The following GPHN variants were observed in gnomAD, a reference collection of about 807,000 sequenced individuals.
GPHN encodes gephyrin.
In GPHN, 17 loss-of-function variants were observed where a neutral mutation model predicts 95.5. The ratio of observed to expected loss-of-function variants is 0.18; its 90% CI spans 0.12 to 0.27. GPHN has a LOEUF of 0.27. Ranked by LOEUF, GPHN falls within the 10% of genes least tolerant of loss-of-function variation. The pLI is 1.00. For missense variants in GPHN, 660 were observed against 978.1 expected (o/e 0.67, Z 4.34); for synonymous variants, 320 against 322.5 (o/e 0.99, Z 0.08).
At chr14:66,851,154 T>C (rs909252702) in intron 4 of GPHN, among the ~76,000 whole-genome samples, 7 of 150,636 alleles carry the variant, frequency 4.6e-5, no homozygotes, top group African/African-American at 1.5e-4. Flanking sequence ...TTATTTAATT[T>C]ACAAAAAAAA....
At chr14:67,435,361 G>T in the GPHN span, among the ~76,000 whole-genome samples, 2 of 152,150 alleles carry the variant, frequency 1.3e-5, no homozygotes, top group Admixed American at 6.5e-5. Context: ...CCATTCATGA[G>T]GGCAGAGCTC....
the GPHN span, among the ~76,000 whole-genome samples, chr14:67,243,557 A>G: frequency 6.9e-6 from 1 of 145,224 alleles, no homozygotes; most frequent in Non-Finnish European, 1.5e-5. Flanking sequence ...CAGTGGCGCA[A>G]TCTCGGCTCA....
the GPHN span, among the ~76,000 whole-genome samples, chr14:67,274,233 T>C: frequency 6.6e-6 from 1 of 152,216 alleles, no homozygotes; most frequent in African/African-American, 2.4e-5. Flanking sequence ...CTAGGTTTTC[T>C]TCTAGGGTTT....
rs1422605976 is a variant in GPHN, at chr14:66,700,718, A to G, written c.143+19533A>G. Among the ~76,000 whole-genome samples the G allele has an allele frequency of 2.0e-5, 3 of 152,022 alleles. No individual in the cohort carries two copies. The East Asian group carries it at 5.8e-4, about 29-fold the overall frequency. ...GGCGGGTGGATCATGAGGTCAAGAG[A>G]TCGAGACCATCCTGGCCAACATGGT... On this transcript the variant is annotated intron_variant, in intron 2 of 22. Transcript: ENST00000478722.
intron 1 of GPHN, among the ~76,000 whole-genome samples, chr14:66,551,791 G>A (rs2059820792): frequency 6.6e-6 from 1 of 152,170 alleles, no homozygotes. Flanking sequence ...AAAGAAGGAG[G>A]AGGTGCTACA....
chr14:67,199,379 C>T, the GPHN span: 2 of 1,613,900 alleles, frequency 1.2e-6, no homozygotes, highest in Non-Finnish European at 1.7e-6. Context: ...CAATGGGAAC[C>T]TGGACCCTGA....
the GPHN span, among the ~76,000 whole-genome samples, chr14:67,583,500 C>T: frequency 6.6e-6 from 1 of 152,186 alleles, no homozygotes; most frequent in Admixed American, 6.5e-5. Flanking sequence ...TTGGAAAAGG[C>T]ACTTCACCTC....
chr14:66,802,764 G>C (rs1159044143), intron 3 of GPHN, among the ~76,000 whole-genome samples: 1 of 152,146 alleles, frequency 6.6e-6, no homozygotes, highest in East Asian at 1.9e-4. Context: ...CTAGGGCCTA[G>C]AACGAGGACC....
At chr14:66,846,864 C>T (rs1596127186) in intron 4 of GPHN, among the ~76,000 whole-genome samples, 1 of 152,016 alleles carries the variant, frequency 6.6e-6, no homozygotes. Flanking sequence ...GAGATTTTTG[C>T]CCCCGAAGTA....
the GPHN span, among the ~76,000 whole-genome samples, chr14:67,373,248 G>A: frequency 6.6e-6 from 1 of 152,176 alleles, no homozygotes; most frequent in Non-Finnish European, 1.5e-5. Context: ...CTTGATTTTG[G>A]TGGTGGTTAA....
intron 8 of GPHN, among the ~76,000 whole-genome samples, chr14:66,938,469 T>C (rs2067239452): frequency 6.6e-6 from 1 of 152,176 alleles, no homozygotes; most frequent in South Asian, 2.1e-4. Flanking sequence ...TCTGTGTTGA[T>C]TCAGTCCTGT....
chr14:66,924,285 A>C lies in GPHN; in HGVS notation c.821A>C (p.Asp274Ala). The change falls in exon 8 of 23, where the codon GAT (aspartate) becomes GCT (alanine). Residue 274 changes from aspartate to alanine, a missense_variant. Physicochemically the swap from Asp to Ala is moderately radical, Grantham distance 126 (BLOSUM62 -2). Around this residue, in one of 6 missense-constraint regions of GPHN, gnomAD observed 190 missense variants for 224.7 expected, o/e 0.85. Transcript: ENST00000478722. Reference protein sequence around the residue: ...GLINYSHHSTDERIPDSIISR... With the variant: ...GLINYSHHSTAERIPDSIISR... ...ATCAATTATTCCCATCATTCAACAG[A>C]TGAACGGGTAAGACAAGAGGCTTTT... The C allele has an allele frequency of 6.3e-7, 1 of 1,582,854 alleles. No individual in the cohort carries two copies. Among genetic ancestry groups the C allele is most frequent in the Non-Finnish European group, 8.7e-7 (1 of 1,151,488 alleles).
At chr14:67,484,959 T>C in the GPHN span, among the ~76,000 whole-genome samples, 2 of 152,214 alleles carry the variant, frequency 1.3e-5, no homozygotes, top group Non-Finnish European at 2.9e-5. Flanking sequence ...GGCTGTGTAA[T>C]ATTCCAGCAA....
the GPHN span, among the ~76,000 whole-genome samples, chr14:67,424,644 C>T: frequency 3.1e-4 from 47 of 151,950 alleles, no homozygotes; most frequent in African/African-American, 1.1e-3. Context: ...CCCTGCCCAC[C>T]CCTAGTCTTC....
intron 8 of GPHN, among the ~76,000 whole-genome samples, chr14:66,947,400 T>A (rs943267660): frequency 2.6e-5 from 4 of 152,232 alleles, no homozygotes; most frequent in African/African-American, 9.6e-5. Flanking sequence ...AATTATATAC[T>A]TATTCATGTG....
At chr14:67,645,610 G>A in the GPHN span, 32 of 1,599,816 alleles carry the variant, frequency 2.0e-5, no homozygotes, top group African/African-American at 2.7e-5. Context: ...TTGCCAAGCA[G>A]AGGGCCTTCA....
chr14:67,378,630 T>G, the GPHN span, among the ~76,000 whole-genome samples: 1 of 152,232 alleles, frequency 6.6e-6, no homozygotes, highest in African/African-American at 2.4e-5. Flanking sequence ...TTGTCTCAAC[T>G]GTCATCATCT....
the GPHN span, among the ~76,000 whole-genome samples, chr14:67,410,976 T>A: frequency 2.6e-5 from 4 of 151,620 alleles, no homozygotes; most frequent in Non-Finnish European, 5.9e-5. Context: ...CGAAACCCTG[T>A]CTCCACAAAA....
At chr14:66,623,617 CAA>C (rs57810648) in intron 1 of GPHN, among the ~76,000 whole-genome samples, 39 of 91,514 alleles carry the variant, frequency 4.3e-4, no homozygotes, top group African/African-American at 1.0e-3. Flanking sequence ...GACTCTGTTT[CAA>C]AAAAAAAAAA....
Sources: gnomAD v4.1 joint callset for allele counts (sites outside exome capture counted in the v4.1 genomes callset) on GRCh38, gnomAD v4.1.1 for gene constraint, gnomAD v4.1.1 regional missense constraint, MANE v1.5 for transcripts, NCBI Gene and HGNC (gene_info 2026-07-23, HGNC 2026-07-21) for gene names.